Variants in BIRC6 observed in about 807,000 individuals in gnomAD.
BIRC6 encodes dual E2 ubiquitin-conjugating enzyme/E3 ubiquitin-protein ligase BIRC6.
A neutral mutation model predicts 503.3 loss-of-function variants in BIRC6; 98 were observed. That is an observed-to-expected ratio of 0.19 (90% CI 0.17 to 0.23). The LOEUF (loss-of-function observed/expected upper bound fraction) is 0.23. Ranked by LOEUF, BIRC6 falls within the 10% of genes least tolerant of loss-of-function variation. BIRC6 has a pLI of 1.00. For synonymous variants in BIRC6, 2,240 were observed against 2,078.7 expected (o/e 1.08, Z -2.11); for missense variants, 5,360 against 5,806.0 (o/e 0.92, Z 2.50).
intron 10 of BIRC6, among the ~76,000 whole-genome samples, chr2:32,428,576 A>G (rs573557790): frequency 7.5e-4 from 114 of 152,340 alleles, no homozygotes; most frequent in African/African-American, 2.7e-3. Context: ...CTATGCTGGA[A>G]GTGAATCTCC....
At position 32,583,970 on chromosome 2, in the gene BIRC6, G is replaced by C. The variant is rs141415021; in HGVS notation, c.13355+8604G>C. ...TGTTCACGAACTCCTGACCTCAGGC[G>C]ATCTGCCCATCTTGGCCTCCCAAAG... On this transcript the variant is annotated intron_variant, in intron 66 of 73. Transcript: ENST00000421745. Among the ~76,000 whole-genome samples, 1,349 of 152,264 alleles carry C rather than the reference G, an allele frequency of 8.9e-3. 10 individuals are homozygous for C. Among genetic ancestry groups the C allele is most frequent in the Middle Eastern group, 0.02 (6 of 294 alleles).
chr2:32,554,009 C>T lies in BIRC6; in HGVS notation c.13144+4528C>T, dbSNP rs111744783. ...AGGCCACAATCATTTTTTCTCTAGC[C>T]CTTGTATAGTATGGAGTTACCCCTC... On this transcript the variant is annotated intron_variant, in intron 65 of 73. Transcript: ENST00000421745. Among the ~76,000 whole-genome samples the T allele has an allele frequency of 9.4e-3, 1,434 of 151,912 alleles. 19 individuals are homozygous for T. Among genetic ancestry groups the T allele is most frequent in the Admixed American group, 0.014 (218 of 15,266 alleles).
chr2:32,545,261 C>T (rs2057977243), intron 62 of BIRC6, among the ~76,000 whole-genome samples: 1 of 152,090 alleles, frequency 6.6e-6, no homozygotes, highest in Admixed American at 6.5e-5. Context: ...TGTTCATTAT[C>T]TGTTCTTGGT....
chr2:32,384,046 T>A (rs1204772668), intron 3 of BIRC6, among the ~76,000 whole-genome samples: 4 of 152,232 alleles, frequency 2.6e-5, no homozygotes, highest in Admixed American at 2.6e-4. Context: ...TCAAAGTTGC[T>A]GGGTAGCAAT....
intron 66 of BIRC6, among the ~76,000 whole-genome samples, chr2:32,587,544 C>T (rs1024068900): frequency 1.3e-5 from 2 of 151,914 alleles, no homozygotes; most frequent in Non-Finnish European, 1.5e-5. Context: ...GGCAACAAGG[C>T]AAAACCCTGT....
intron 1 of BIRC6, among the ~76,000 whole-genome samples, chr2:32,368,628 G>A (rs1238672801): frequency 6.6e-6 from 1 of 152,114 alleles, no homozygotes; most frequent in African/African-American, 2.4e-5. Flanking sequence ...TTTGTTTAGT[G>A]TGTCTGGGAT....
intron 65 of BIRC6, among the ~76,000 whole-genome samples, chr2:32,551,936 T>C (rs906631744): frequency 2.6e-5 from 4 of 152,218 alleles, no homozygotes; most frequent in Non-Finnish European, 4.4e-5. Context: ...CCTGAGACAT[T>C]GTATTCAAGG....
intron 1 of BIRC6, among the ~76,000 whole-genome samples, chr2:32,371,297 AAAAG>A (rs2035910690): frequency 6.6e-6 from 1 of 152,092 alleles, no homozygotes; most frequent in Non-Finnish European, 1.5e-5. Context: ...AGACTAAGGA[AAAAG>A]TAAGTACGTA....
At chr2:32,507,180 A>G (rs1036635709) in intron 50 of BIRC6, among the ~76,000 whole-genome samples, 11 of 152,184 alleles carry the variant, frequency 7.2e-5, no homozygotes, top group Admixed American at 7.2e-4. Flanking sequence ...CTGTAATCCC[A>G]GCACTTTGGG....
intron 1 of BIRC6, among the ~76,000 whole-genome samples, chr2:32,364,342 C>T (rs899318694): frequency 7.2e-5 from 11 of 152,072 alleles, no homozygotes; most frequent in Admixed American, 2.6e-4. Context: ...CGGGTTCAAG[C>T]GATTCTCCTG....
At chr2:32,553,588 C>G (rs1015367668) in intron 65 of BIRC6, among the ~76,000 whole-genome samples, 2 of 151,938 alleles carry the variant, frequency 1.3e-5, no homozygotes, top group Non-Finnish European at 2.9e-5. Context: ...CAGGGTTTCA[C>G]CACGTTGGCC....
chr2:32,516,083 C>T (rs1269532053), intron 55 of BIRC6, among the ~76,000 whole-genome samples: 1 of 152,202 alleles, frequency 6.6e-6, no homozygotes, highest in Admixed American at 6.5e-5. Context: ...AGTATGGACA[C>T]TGATCACTGA....
intron 3 of BIRC6, among the ~76,000 whole-genome samples, chr2:32,384,407 T>A (rs902377787): frequency 6.6e-6 from 1 of 152,164 alleles, no homozygotes; most frequent in Non-Finnish European, 1.5e-5. Context: ...TTGAAATACT[T>A]TTCTTGATCA....
chr2:32,441,431 A>G lies in BIRC6; in HGVS notation c.3913A>G (p.Arg1305Gly). The change falls in exon 17 of 74, where the codon AGA (arginine) becomes GGA (glycine). Residue 1305 changes from arginine to glycine, a missense_variant. By Grantham distance (125) the Arg-to-Gly change is moderately radical. This residue lies in a region of BIRC6 where 2,299 missense variants were observed against 2,267.2 expected (regional missense o/e 1.01). Transcript: ENST00000421745. ...TCAAGAGGTCTCAGTCACCATTCGAAGATTTAAGAAAACCTCAATTTCTAA... is the reference window on the plus strand; with the variant it reads ...TCAAGAGGTCTCAGTCACCATTCGAGGATTTAAGAAAACCTCAATTTCTAA... ...LLQEVSVTIR[R>G]FKKTSISKER... The G allele has an allele frequency of 6.2e-7, 1 of 1,610,304 alleles. No homozygotes were observed.
At chr2:32,361,121 G>A (rs914525694) in intron 1 of BIRC6, among the ~76,000 whole-genome samples, 39 of 151,866 alleles carry the variant, frequency 2.6e-4, no homozygotes, top group Admixed American at 2.0e-3. Flanking sequence ...TTTTAGTAGA[G>A]ACAGGGTTTC....
Position 32,441,365 on chromosome 2 carries a change from G to A in BIRC6, c.3847G>A (p.Gly1283Ser). ...SSNVKNENTS[G>S]TRKSENLRGC... ...TAATGTTAAGAATGAAAATACAAGT[G>A]GCACCCGTAAATCTGAAAACCTCCG... The change falls in exon 17 of 74, where the codon GGC (glycine) becomes AGC (serine). Residue 1283 changes from glycine (G) to serine (S), a missense_variant. Gly to Ser is a moderately conservative substitution (Grantham distance 56). Transcript: ENST00000421745. 1 of 1,596,566 alleles carries A rather than the reference G, an allele frequency of 6.3e-7. No homozygotes were observed.
intron 61 of BIRC6, among the ~76,000 whole-genome samples, chr2:32,540,207 T>C (rs573806077): frequency 6.6e-6 from 1 of 152,206 alleles, no homozygotes; most frequent in South Asian, 2.1e-4. Flanking sequence ...TAATCCCATG[T>C]TTCTCCAATT....
Position 32,487,685 on chromosome 2 carries a change from G to A in BIRC6, c.7852G>A (p.Gly2618Arg). Residue 2618 changes from glycine to arginine, a missense_variant, in exon 41 of 74, where the codon GGG becomes AGG. Gly to Arg is a moderately radical substitution (Grantham distance 125). Around this residue, in one of 16 missense-constraint regions of BIRC6, gnomAD observed 2,299 missense variants for 2,267.2 expected, o/e 1.01. Transcript: ENST00000421745. ...CACTGGAACAGATGATTCACTTCTA[G>A]GGGGTTTACAAGCAGCAAACCAAAC... Reference protein sequence around the residue: ...SPTGTDDSLLGGLQAANQTSQ... With the variant: ...SPTGTDDSLLRGLQAANQTSQ... The A allele has an allele frequency of 6.2e-7, 1 of 1,613,536 alleles. No homozygotes were observed. The highest frequency in any genetic ancestry group is 8.5e-7 in the Non-Finnish European group (1 of 1,179,702).
In BIRC6 at chr2:32,503,102, C is replaced by G; in HGVS notation, c.9365C>G (p.Ala3122Gly). 1 of 1,610,962 alleles carries G rather than the reference C, an allele frequency of 6.2e-7. No homozygotes were observed. Among genetic ancestry groups the G allele is most frequent in the Non-Finnish European group, 8.5e-7 (1 of 1,178,316 alleles). The change falls in exon 49 of 74, where the codon GCA (alanine) becomes GGA (glycine). Residue 3122 changes from alanine (A) to glycine (G), a missense_variant. Ala to Gly is a moderately conservative substitution (Grantham distance 60, BLOSUM62 0). This residue lies in a region of BIRC6 where 267 missense variants were observed against 287.6 expected (regional missense o/e 0.93). Transcript: ENST00000421745. ...AGTACAAGGGCTATTGTGAACACTGCAAGAAGTATGGTATCAACTATTATG... is the reference window on the plus strand; with the variant it reads ...AGTACAAGGGCTATTGTGAACACTGGAAGAAGTATGGTATCAACTATTATG... Reference protein sequence around the residue: ...VTSTRAIVNTARSMVSTIMKF... With the variant: ...VTSTRAIVNTGRSMVSTIMKF...
Sources: allele counts gnomAD v4.1 joint callset (sites outside exome capture counted in the v4.1 genomes callset), GRCh38; gene constraint gnomAD v4.1.1; regional missense constraint gnomAD v4.1.1; transcripts MANE v1.5; gene names NCBI Gene and HGNC (gene_info 2026-07-23, HGNC 2026-07-21).